FSTL4: variants seen among roughly 807,000 people sequenced by gnomAD.
FSTL4 encodes follistatin-related protein 4.
FSTL4 carries 28 observed loss-of-function variants against 78.2 expected under a neutral mutation model. The observed-to-expected ratio is 0.36, with a 90% CI of 0.27 to 0.49. The LOEUF (loss-of-function observed/expected upper bound fraction) is 0.49, where lower values mean the gene tolerates loss of function less well. Among genes scored for constraint, FSTL4 ranks in the 20% least tolerant of loss-of-function variants. FSTL4 has a pLI of 0.98. For missense variants in FSTL4, 922 were observed against 1,084.9 expected (o/e 0.85, Z 2.11); for synonymous variants, 422 against 440.5 (o/e 0.96, Z 0.53).
the FSTL4 span, among the ~76,000 whole-genome samples, chr5:133,827,811 C>A: frequency 1.3e-5 from 2 of 151,886 alleles, no homozygotes; most frequent in Non-Finnish European, 2.9e-5. Context: ...CCAGGGTTGA[C>A]AAAGGACAGA....
intron 3 of FSTL4, among the ~76,000 whole-genome samples, chr5:133,495,864 TTA>T (rs1372460725): frequency 7.9e-5 from 12 of 152,186 alleles, no homozygotes; most frequent in Admixed American, 3.3e-4. Flanking sequence ...GTGGTTAGAA[TTA>T]TGTTTAAAGC....
At chr5:133,573,908 T>C (rs1299954590) in intron 2 of FSTL4, among the ~76,000 whole-genome samples, 1 of 152,268 alleles carries the variant, frequency 6.6e-6, no homozygotes. Context: ...CCTGATGGAT[T>C]GTAGAACTAC....
the FSTL4 span, among the ~76,000 whole-genome samples, chr5:133,655,027 A>G: frequency 6.6e-6 from 1 of 152,188 alleles, no homozygotes; most frequent in Non-Finnish European, 1.5e-5. Flanking sequence ...CCAACAGGAT[A>G]CCAACATCTG....
In FSTL4 at chr5:133,459,732, A is replaced by G. The variant is rs1203432451; in HGVS notation, c.161-58746T>C. ...AAGGCTACCTCTCTCATGGGAGAAC[A>G]GGAGACCATAAGCGTCAACTCAGGC... On this transcript the variant is annotated intron_variant, in intron 3 of 15. Transcript: ENST00000265342. Among the ~76,000 whole-genome samples the G allele has an allele frequency of 1.3e-4, 19 of 149,638 alleles. No individual in the cohort carries two copies. In the Admixed American group the frequency reaches 1.3e-3, roughly 10 times the overall value.
chr5:133,792,712 G>A, the FSTL4 span, among the ~76,000 whole-genome samples: 1 of 152,198 alleles, frequency 6.6e-6, no homozygotes, highest in African/African-American at 2.4e-5. Flanking sequence ...AGAGGAGAAT[G>A]CAGTGGAAGT....
chr5:133,219,527 A>G (rs1458176029), intron 12 of FSTL4, among the ~76,000 whole-genome samples: 1 of 152,220 alleles, frequency 6.6e-6, no homozygotes, highest in East Asian at 1.9e-4. Flanking sequence ...CATCTAAGCC[A>G]GCAGAGAGGC....
intron 3 of FSTL4, among the ~76,000 whole-genome samples, chr5:133,433,095 G>C (rs1756973271): frequency 6.6e-6 from 1 of 152,326 alleles, no homozygotes; most frequent in East Asian, 1.9e-4. Context: ...AATTTCAGGA[G>C]TTGCAAGGCA....
chr5:133,420,512 C>T (rs1052344845), intron 3 of FSTL4, among the ~76,000 whole-genome samples: 2 of 152,218 alleles, frequency 1.3e-5, no homozygotes, highest in Admixed American at 6.5e-5. Context: ...CAGGGCTTCA[C>T]ACCTGTGCAG....
chr5:133,575,397 G>T (rs1760255620), intron 2 of FSTL4: 1 of 151,834 alleles, frequency 6.6e-6, no homozygotes, highest in Non-Finnish European at 1.5e-5. Flanking sequence ...GATCTGTAAA[G>T]GCAGAAATAG....
chr5:133,488,183 T>C (rs1394132615), intron 3 of FSTL4, among the ~76,000 whole-genome samples: 2 of 152,254 alleles, frequency 1.3e-5, no homozygotes, highest in African/African-American at 4.8e-5. Context: ...TGATTTTTGC[T>C]GATATAATTA....
At chr5:133,572,257 C>T (rs932483209) in intron 2 of FSTL4, among the ~76,000 whole-genome samples, 3 of 152,028 alleles carry the variant, frequency 2.0e-5, no homozygotes, top group African/African-American at 7.2e-5. Flanking sequence ...AATGGAATGC[C>T]ATCTTTAGTT....
intron 3 of FSTL4, among the ~76,000 whole-genome samples, chr5:133,530,572 A>G (rs1759230473): frequency 6.6e-6 from 1 of 152,226 alleles, no homozygotes; most frequent in Non-Finnish European, 1.5e-5. Context: ...GTGGTGAGGA[A>G]GAAGATAAGA....
At chr5:133,834,252 T>C in the FSTL4 span, among the ~76,000 whole-genome samples, 1 of 152,118 alleles carries the variant, frequency 6.6e-6, no homozygotes, top group African/African-American at 2.4e-5. Context: ...GCAATATGTA[T>C]TGAAAGCAAT....
chr5:133,532,367 G>A (rs1169692804), intron 3 of FSTL4, among the ~76,000 whole-genome samples: 2 of 152,220 alleles, frequency 1.3e-5, no homozygotes, highest in Non-Finnish European at 2.9e-5. Flanking sequence ...CCTCCATGCT[G>A]TGTATTTTCT....
chr5:133,198,975 G>T lies in FSTL4; in HGVS notation c.*120C>A. ...GGAAACTTGCAAGGAGACCAGTGTT[G>T]AACCACAAAGCGAGTACAGGTTTTT... On this transcript the variant is annotated 3_prime_UTR_variant, in exon 16 of 16. Transcript: ENST00000265342. The T allele has an allele frequency of 1.7e-6, 1 of 604,434 alleles. No homozygotes were observed. The highest frequency in any genetic ancestry group is 2.8e-6 in the Non-Finnish European group (1 of 351,140). 37.4% of individuals were successfully genotyped at this position (604,434 alleles called of 1,614,324 possible). A position where few individuals can be genotyped will look rare whatever the true frequency, so the allele number is the denominator to read the frequency against.
chr5:133,346,108 C>T (rs1050929445), intron 4 of FSTL4, among the ~76,000 whole-genome samples: 6 of 152,086 alleles, frequency 3.9e-5, no homozygotes, highest in Non-Finnish European at 7.4e-5. Context: ...TGAATGAAGC[C>T]GGAAACCATC....
At chr5:133,620,534 T>C in the FSTL4 span, among the ~76,000 whole-genome samples, 1 of 152,348 alleles carries the variant, frequency 6.6e-6, no homozygotes, top group African/African-American at 2.4e-5. Context: ...AATTAGCTTG[T>C]ATTTCATCAT....
intron 6 of FSTL4, among the ~76,000 whole-genome samples, chr5:133,305,045 T>C (rs1031925336): frequency 3.9e-5 from 6 of 151,978 alleles, no homozygotes; most frequent in Admixed American, 6.6e-5. Context: ...AAGGACAGAG[T>C]CCAGACCCCA....
chr5:133,456,530 C>T (rs1757494835), intron 3 of FSTL4, among the ~76,000 whole-genome samples: 1 of 152,212 alleles, frequency 6.6e-6, no homozygotes, highest in Non-Finnish European at 1.5e-5. Flanking sequence ...CCTACACTGC[C>T]TTCAAGACCC....
Sources: allele counts gnomAD v4.1 joint callset (sites outside exome capture counted in the v4.1 genomes callset), GRCh38; gene constraint gnomAD v4.1.1; transcripts MANE v1.5; gene names NCBI Gene and HGNC (gene_info 2026-07-23, HGNC 2026-07-21).